Variants in ANK3 observed in about 807,000 individuals in gnomAD.
ANK3 encodes ankyrin-3.
A neutral mutation model predicts 370.9 loss-of-function variants in ANK3; 57 were observed. The observed-to-expected ratio is 0.15, with a 90% CI of 0.12 to 0.19. ANK3 has a LOEUF of 0.19. Ranked by LOEUF, ANK3 falls within the 10% of genes least tolerant of loss-of-function variation. The probability of loss-of-function intolerance (pLI) is 1.00; values close to 1 mark genes in which losing one functional copy is unlikely to be tolerated. For missense variants in ANK3, 4,439 were observed against 5,302.1 expected (o/e 0.84, Z 5.06); for synonymous variants, 1,929 against 1,946.3 (o/e 0.99, Z 0.23).
At chr10:60,703,857 T>G (rs536407583) in intron 1 of ANK3, among the ~76,000 whole-genome samples, 17 of 152,266 alleles carry the variant, frequency 1.1e-4, no homozygotes, top group African/African-American at 3.9e-4. Context: ...AAGACAGTGT[T>G]CCAATGAACA....
At chr10:60,285,683 G>A (rs2098233740) in intron 1 of ANK3, among the ~76,000 whole-genome samples, 1 of 151,852 alleles carries the variant, frequency 6.6e-6, no homozygotes, top group Admixed American at 6.6e-5. Flanking sequence ...TTCTCTCTAA[G>A]CTCAGCACTC....
At chr10:60,202,508 G>A (rs1003466829) in intron 12 of ANK3, among the ~76,000 whole-genome samples, 5 of 152,232 alleles carry the variant, frequency 3.3e-5, no homozygotes, top group African/African-American at 1.2e-4. Flanking sequence ...ACAATTTGTG[G>A]CCAACTAGAG....
At chr10:60,497,780 A>G (rs2075697409) in intron 2 of ANK3, among the ~76,000 whole-genome samples, 1 of 152,182 alleles carries the variant, frequency 6.6e-6, no homozygotes. Flanking sequence ...ACTTTGATGC[A>G]CAAAGTTTGA....
At chr10:60,205,091 G>A (rs73263135) in intron 11 of ANK3, among the ~76,000 whole-genome samples, 4,189 of 152,152 alleles carry the variant, frequency 0.028, 200 homozygotes, top group African/African-American at 0.094. Flanking sequence ...AGTCTGAAAG[G>A]GTAGGTGTCA....
chr10:60,219,438 T>A (rs1213997919), intron 8 of ANK3, among the ~76,000 whole-genome samples: 1 of 152,148 alleles, frequency 6.6e-6, no homozygotes, highest in Non-Finnish European at 1.5e-5. Flanking sequence ...AGAATACCAA[T>A]ATTTTGAATT....
chr10:60,349,330 GA>G (rs1208668250), intron 1 of ANK3, among the ~76,000 whole-genome samples: 1 of 152,156 alleles, frequency 6.6e-6, no homozygotes, highest in South Asian at 2.1e-4. Flanking sequence ...ACTAGAGAAA[GA>G]GTACAAAAAC....
intron 1 of ANK3, among the ~76,000 whole-genome samples, chr10:60,711,935 T>C (rs551270456): frequency 1.3e-5 from 2 of 152,160 alleles, no homozygotes; most frequent in Non-Finnish European, 2.9e-5. Flanking sequence ...ATTTAAAGTG[T>C]TGAAAGAATA....
intron 2 of ANK3, among the ~76,000 whole-genome samples, chr10:60,421,117 T>C (rs1360524265): frequency 6.6e-6 from 1 of 152,038 alleles, no homozygotes; most frequent in Non-Finnish European, 1.5e-5. Flanking sequence ...TATACTTATA[T>C]AAAATACCTA....
In ANK3 at chr10:60,696,290, C is replaced by G. The variant is rs199886534; in HGVS notation, c.57+36973G>C. On this transcript the variant is annotated intron_variant, in intron 1 of 43. Transcript: ENST00000373827. ...TTACCAACCAAAAAGAGTCCAGGACCAGATGGATTCACAGCCGAATTCTAC... is the reference window on the plus strand; with the variant it reads ...TTACCAACCAAAAAGAGTCCAGGACGAGATGGATTCACAGCCGAATTCTAC... 1.3e-5 allele frequency among the ~76,000 whole-genome samples: 2 copies of G among 149,312 alleles called. 1 individual carries two copies. Among genetic ancestry groups the G allele is most frequent in the Non-Finnish European group, 3.0e-5 (2 of 67,416 alleles).
intron 16 of ANK3, among the ~76,000 whole-genome samples, chr10:60,188,114 C>G (rs78504613): frequency 6.6e-6 from 1 of 152,176 alleles, no homozygotes; most frequent in Non-Finnish European, 1.5e-5. Context: ...TAGTGCCTCA[C>G]AATAACTGCC....
At chr10:60,677,347 T>C (rs1045179147) in intron 1 of ANK3, among the ~76,000 whole-genome samples, 1 of 152,216 alleles carries the variant, frequency 6.6e-6, no homozygotes, top group Admixed American at 6.5e-5. Flanking sequence ...AGTTATACGG[T>C]AGTAAGAACA....
chr10:60,249,365 C>A (rs931391906), intron 7 of ANK3, among the ~76,000 whole-genome samples: 3 of 152,156 alleles, frequency 2.0e-5, no homozygotes, highest in African/African-American at 7.2e-5. Flanking sequence ...AACATTCTGC[C>A]ATCAAAAATT....
chr10:60,392,861 G>A (rs928334097), upstream of ANK3, among the ~76,000 whole-genome samples: 5 of 152,038 alleles, frequency 3.3e-5, no homozygotes, highest in South Asian at 6.2e-4. Flanking sequence ...CCTGGGAGGC[G>A]GTGGTTGCAG....
At chr10:60,254,649 A>T (rs1304743769) in intron 7 of ANK3, among the ~76,000 whole-genome samples, 3 of 152,218 alleles carry the variant, frequency 2.0e-5, no homozygotes, top group African/African-American at 7.2e-5. Flanking sequence ...TTGCTGCTCA[A>T]ATAAACTTGC....
chr10:60,626,676 T>G (rs1438569905), intron 1 of ANK3, among the ~76,000 whole-genome samples: 1 of 152,126 alleles, frequency 6.6e-6, no homozygotes, highest in African/African-American at 2.4e-5. Flanking sequence ...TCCAAAACAT[T>G]GAGCCTTAGT....
At chr10:60,609,605 A>G (rs577766897) in intron 2 of ANK3, among the ~76,000 whole-genome samples, 1 of 152,058 alleles carries the variant, frequency 6.6e-6, no homozygotes, top group Non-Finnish European at 1.5e-5. Context: ...CAAAACAGTG[A>G]GATAATATGA....
chr10:60,666,124 G>C (rs1006924697), intron 1 of ANK3, among the ~76,000 whole-genome samples: 1 of 152,124 alleles, frequency 6.6e-6, no homozygotes, highest in Non-Finnish European at 1.5e-5. Context: ...GTTCATAAGG[G>C]CATTACTCAA....
intron 7 of ANK3, among the ~76,000 whole-genome samples, chr10:60,259,917 A>G (rs2097780532): frequency 6.6e-6 from 1 of 152,220 alleles, no homozygotes; most frequent in African/African-American, 2.4e-5. Context: ...TTTGTCCTTC[A>G]AAGTGTCAAA....
At chr10:60,271,927 A>G (rs1005501734) in intron 4 of ANK3, among the ~76,000 whole-genome samples, 3 of 148,652 alleles carry the variant, frequency 2.0e-5, no homozygotes, top group African/African-American at 7.7e-5. Flanking sequence ...AAGATTAGAA[A>G]CACAAAATTA....
Sources: allele counts gnomAD v4.1 joint callset (sites outside exome capture counted in the v4.1 genomes callset), GRCh38; gene constraint gnomAD v4.1.1; transcripts MANE v1.5; gene names NCBI Gene and HGNC (gene_info 2026-07-23, HGNC 2026-07-21).